GIN1: variants seen among roughly 807,000 people sequenced by gnomAD.
GIN1 encodes the protein gypsy retrotransposon integrase 1.
A neutral mutation model predicts 51.4 loss-of-function variants in GIN1; 41 were observed. The ratio of observed to expected loss-of-function variants is 0.80; its 90% CI spans 0.62 to 1.04. GIN1 has a LOEUF of 1.04. Ranked by LOEUF, GIN1 falls within the 50% of genes least tolerant of loss-of-function variation. GIN1 has a pLI of 0.00. For missense variants in GIN1, 610 were observed against 612.4 expected (o/e 1.00, Z 0.04); for synonymous variants, 222 against 206.5 (o/e 1.07, Z -0.64).
intron 7 of GIN1, among the ~76,000 whole-genome samples, chr5:103,093,926 T>C (rs1787325032): frequency 1.3e-5 from 2 of 152,194 alleles, no homozygotes; most frequent in African/African-American, 4.8e-5. Flanking sequence ...TCACTCTACA[T>C]TTAGTTCTAG....
chr5:103,110,789 T>C (rs1787860571), intron 1 of GIN1, among the ~76,000 whole-genome samples: 1 of 152,220 alleles, frequency 6.6e-6, no homozygotes, highest in African/African-American at 2.4e-5. Flanking sequence ...TTCATAGATA[T>C]TTTATAGTCA....
chr5:103,117,931 G>C (rs1788089368), intron 1 of GIN1, among the ~76,000 whole-genome samples: 3 of 152,032 alleles, frequency 2.0e-5, no homozygotes, highest in Admixed American at 2.0e-4. Flanking sequence ...TCAATTACTT[G>C]TTATCCTTAG....
intron 1 of GIN1, among the ~76,000 whole-genome samples, chr5:103,110,389 CA>C (rs2151475039): frequency 6.6e-6 from 1 of 152,002 alleles, no homozygotes; most frequent in African/African-American, 2.4e-5. Flanking sequence ...TTCTAAAAAT[CA>C]AAAAGAAAAG....
rs1787114021 is a variant in GIN1, at chr5:103,087,727, T to C, written c.*171A>G. 2.0e-6 allele frequency: 1 copy of C among 491,842 alleles called. No homozygotes were observed. Among genetic ancestry groups the C allele is most frequent in the South Asian group, 3.6e-5 (1 of 27,744 alleles). The allele number at this position is 491,842 out of a possible 1,614,324, so 30.5% of individuals were successfully genotyped here. The stretch of plus-strand genomic sequence containing the variant: ...CTTCCTTTGCCTTCATATGTACGTA[T>C]ACTGATATTCAAATGTGGCATAATT... On this transcript the variant is annotated 3_prime_UTR_variant, in exon 8 of 8. Transcript: ENST00000399004.
At chr5:103,108,767 C>T (rs1787796847) in intron 1 of GIN1, 53 bp from the exon 2 acceptor site, 6 of 1,118,322 alleles carry the variant, frequency 5.4e-6, no homozygotes, top group Non-Finnish European at 4.0e-6. Context: ...AACTGAATTG[C>T]TATTTCAGTT....
At chr5:103,107,306 G>T (rs1554196427) in intron 2 of GIN1, among the ~76,000 whole-genome samples, 1 of 151,518 alleles carries the variant, frequency 6.6e-6, no homozygotes, top group Admixed American at 6.6e-5. Flanking sequence ...TCCTGGAACA[G>T]AATTTTCTAA....
At chr5:103,094,648 T>C (rs1554194835) in intron 7 of GIN1, among the ~76,000 whole-genome samples, 1 of 152,216 alleles carries the variant, frequency 6.6e-6, no homozygotes, top group Non-Finnish European at 1.5e-5. Flanking sequence ...TAGCAAAATT[T>C]TAAATTAAAT....
intron 7 of GIN1, among the ~76,000 whole-genome samples, chr5:103,092,298 C>T (rs1396505457): frequency 1.3e-5 from 2 of 151,880 alleles, no homozygotes; most frequent in Non-Finnish European, 2.9e-5. Flanking sequence ...AGCCACTGTG[C>T]CCAGCCTTAA....
At chr5:103,106,666 T>C in intron 3 of GIN1, 50 bp downstream of exon 3, 7 of 1,060,024 alleles carry the variant, frequency 6.6e-6, no homozygotes, top group Non-Finnish European at 9.6e-6. Context: ...AAATTTTAAG[T>C]ATCTATCAGA....
chr5:103,104,775 C>T lies in GIN1; in HGVS notation c.405G>A (p.Lys135=). Reference sequence around the variant, plus strand: ...TAACTAAACTCCATGGATTTTCCACCTTGAGAAGGTGCTGTTTCGGTGCTA... The same window carrying T: ...TAACTAAACTCCATGGATTTTCCACTTTGAGAAGGTGCTGTTTCGGTGCTA... ...VIVAPKQHLL[K]VENPWSLVTV... Residue 135 remains lysine, a synonymous_variant, in exon 4 of 8, where the codon AAG becomes AAA. Transcript: ENST00000399004. 1 of 1,612,588 alleles carries T rather than the reference C, an allele frequency of 6.2e-7. No homozygotes were observed. Among genetic ancestry groups the T allele is most frequent in the Non-Finnish European group, 8.5e-7 (1 of 1,178,762 alleles).
intron 7 of GIN1, among the ~76,000 whole-genome samples, chr5:103,092,652 A>G (rs1787277667): frequency 6.6e-6 from 1 of 151,620 alleles, no homozygotes; most frequent in Non-Finnish European, 1.5e-5. Context: ...ATTGGTTAAG[A>G]AATTATATAA....
At chr5:103,111,645 G>T (rs1554196933) in intron 1 of GIN1, among the ~76,000 whole-genome samples, 2 of 152,142 alleles carry the variant, frequency 1.3e-5, no homozygotes, top group African/African-American at 2.4e-5. Flanking sequence ...ACACCTTAGA[G>T]GAAGTACAGG....
At chr5:103,116,350 AC>A (rs1231570775) in intron 1 of GIN1, among the ~76,000 whole-genome samples, 2 of 152,158 alleles carry the variant, frequency 1.3e-5, no homozygotes, top group Non-Finnish European at 2.9e-5. Flanking sequence ...CTGATTTTCA[AC>A]AAAGGTGCCA....
chr5:103,097,531 T>C, intron 5 of GIN1, 41 bp from the exon 6 acceptor site: 1 of 1,485,992 alleles, frequency 6.7e-7, no homozygotes. Flanking sequence ...TAATAAAACA[T>C]TTATCTGGCC....
At position 103,087,312 on chromosome 5, in the gene GIN1, C is replaced by T. The variant is rs1225801722; in HGVS notation, c.*586G>A. 2 of 152,112 alleles carry T rather than the reference C, an allele frequency of 1.3e-5. No homozygotes were observed. The highest frequency in any genetic ancestry group is 3.8e-4 in the East Asian group (2 of 5,200). The allele number at this position is 152,112 out of a possible 1,614,324, so 9.4% of individuals were successfully genotyped here. ...CTTTAATATATAGTATGAAAATAAA[C>T]AAATTGTTTCCCAACCAATACATAG... is the stretch of plus-strand genomic sequence containing the variant. On this transcript the variant is annotated 3_prime_UTR_variant, in exon 8 of 8. Transcript: ENST00000399004.
chr5:103,097,611 A>G lies in GIN1; in HGVS notation c.810T>C (p.Phe270=). 6.2e-7 allele frequency: 1 copy of G among 1,609,128 alleles called. No individual in the cohort carries two copies. The highest frequency in any genetic ancestry group is 8.5e-7 in the Non-Finnish European group (1 of 1,175,846). The change falls in exon 5 of 8, where the codon TTT becomes TTC. Residue 270 remains phenylalanine (F), a synonymous_variant. Transcript: ENST00000399004. ...NWDDHLSAVS[F]AFNVTHLEPT... ...ATACCAAGTGAGTTACATTGAAGGCAAATGAAACAGCTGATAGGTGATCAT... is the reference window on the plus strand; with the variant it reads ...ATACCAAGTGAGTTACATTGAAGGCGAATGAAACAGCTGATAGGTGATCAT...
intron 4 of GIN1, among the ~76,000 whole-genome samples, chr5:103,100,901 T>C (rs1181366835): frequency 6.6e-6 from 1 of 152,168 alleles, no homozygotes; most frequent in Non-Finnish European, 1.5e-5. Flanking sequence ...TAATTTTGAA[T>C]TTTGATGCCT....
At chr5:103,101,535 T>C (rs145100564) in intron 4 of GIN1, among the ~76,000 whole-genome samples, 4 of 152,360 alleles carry the variant, frequency 2.6e-5, no homozygotes, top group South Asian at 4.1e-4. Flanking sequence ...GGAAGTTAAA[T>C]AGACGTGCCG....
chr5:103,110,960 C>T (rs1180823047), intron 1 of GIN1, among the ~76,000 whole-genome samples: 2 of 152,044 alleles, frequency 1.3e-5, no homozygotes, highest in Non-Finnish European at 2.9e-5. Flanking sequence ...CACCCTACTG[C>T]CCTCCAATCT....
Sources: allele counts gnomAD v4.1 joint callset (sites outside exome capture counted in the v4.1 genomes callset), GRCh38; gene constraint gnomAD v4.1.1; transcripts MANE v1.5; gene names NCBI Gene and HGNC (gene_info 2026-07-23, HGNC 2026-07-21).